TAF1B: variants seen among roughly 807,000 people sequenced by gnomAD.
TAF1B encodes the protein TATA-box binding protein associated factor, RNA polymerase I subunit B, also known as TATA box-binding protein-associated factor RNA polymerase I subunit B.
Under a neutral mutation model 83.9 loss-of-function variants are expected in TAF1B, and 61 were observed. That is an observed-to-expected ratio of 0.73 (90% CI 0.59 to 0.90). The LOEUF (loss-of-function observed/expected upper bound fraction) is 0.90. TAF1B is among the 40% of genes least tolerant of loss of function. The pLI is 0.00. For missense variants in TAF1B, 625 were observed against 677.0 expected, an observed-to-expected ratio of 0.92 and a Z score of 0.85; for synonymous variants, 221 against 224.6, an observed-to-expected ratio of 0.98 and a Z score of 0.14.
chr2:9,867,038 T>G (rs1399468213), intron 5 of TAF1B, among the ~76,000 whole-genome samples: 2 of 152,194 alleles, frequency 1.3e-5, no homozygotes, highest in Non-Finnish European at 2.9e-5. Flanking sequence ...TATACATATG[T>G]AAGAAACCTG....
At chr2:9,893,898 G>A (rs1664943306) in intron 8 of TAF1B, among the ~76,000 whole-genome samples, 1 of 152,074 alleles carries the variant, frequency 6.6e-6, no homozygotes, top group Non-Finnish European at 1.5e-5. Context: ...GTTGGGTAGT[G>A]GATTCATAGG....
chr2:9,893,969 T>C (rs1664945096), intron 8 of TAF1B, among the ~76,000 whole-genome samples: 1 of 152,200 alleles, frequency 6.6e-6, no homozygotes, highest in South Asian at 2.1e-4. Context: ...TTTGCATTTT[T>C]CAGAATTTTA....
chr2:9,908,752 T>C (rs1342438060), intron 9 of TAF1B, among the ~76,000 whole-genome samples: 1 of 152,238 alleles, frequency 6.6e-6, no homozygotes, highest in East Asian at 1.9e-4. Flanking sequence ...CCAAATTCTC[T>C]GCCTCACAAA....
chr2:9,905,000 C>T lies in TAF1B; in HGVS notation c.949C>T (p.Leu317Phe). ...TATGAAATACTTGATGGAAGTCAAC[C>T]TCCCTGGTAAGTGTGTGACATATAT... ...LCMKYLMEVN[L>F]PDEMHSLTCH... Residue 317 changes from leucine to phenylalanine, a missense_variant, in exon 9 of 15, where the codon CTC (leucine) becomes TTC (phenylalanine). By Grantham distance (22) the Leu-to-Phe change is conservative. Coordinates refer to ENST00000263663, the MANE Select transcript of TAF1B (RefSeq NM_005680.3). The T allele has an allele frequency of 6.2e-7, 1 of 1,611,840 alleles. No homozygotes were observed. Among genetic ancestry groups the T allele is most frequent in the East Asian group, 2.2e-5 (1 of 44,816 alleles).
chr2:9,921,749 A>G (rs765144459), intron 14 of TAF1B, among the ~76,000 whole-genome samples: 1 of 152,230 alleles, frequency 6.6e-6, no homozygotes, highest in Non-Finnish European at 1.5e-5. Flanking sequence ...ACTTTGCTGT[A>G]TGATTGAAAT....
intron 5 of TAF1B, among the ~76,000 whole-genome samples, chr2:9,855,872 AAAC>A (rs1161463886): frequency 6.6e-6 from 1 of 152,222 alleles, no homozygotes; most frequent in Non-Finnish European, 1.5e-5. Context: ...TGAAAGTAAA[AAAC>A]AGTATGGTTG....
chr2:9,901,785 A>G lies in TAF1B; in HGVS notation c.808-3074A>G, dbSNP rs7591024. ...TAAAAAGGAAGACACCTTCTTTTCA[A>G]AGTTCACTGAGAACTTATGTTTTTC... On this transcript the variant is annotated intron_variant, in intron 8 of 14. Transcript: ENST00000263663. 5.1e-3 allele frequency among the ~76,000 whole-genome samples: 780 copies of G among 152,266 alleles called. 7 individuals carry two copies. The highest frequency in any genetic ancestry group is 0.018 in the African/African-American group (753 of 41,556).
intron 7 of TAF1B, among the ~76,000 whole-genome samples, chr2:9,876,513 G>A (rs914937201): frequency 6.6e-6 from 1 of 152,144 alleles, no homozygotes; most frequent in African/African-American, 2.4e-5. Context: ...TATTTTTCAG[G>A]ATAATCTACA....
chr2:9,904,812 G>T (rs450192), intron 8 of TAF1B, 47 bp from the exon 9 acceptor site: 975,931 of 1,553,540 alleles, frequency 0.63, 316,746 homozygotes, highest in Non-Finnish European at 0.68. Flanking sequence ...TTAAAAATAA[G>T]TTTTGTTGCA....
intron 9 of TAF1B, among the ~76,000 whole-genome samples, chr2:9,910,326 C>G (rs971006190): frequency 2.0e-5 from 3 of 152,152 alleles, no homozygotes; most frequent in African/African-American, 7.2e-5. Flanking sequence ...TCTAGTTAAA[C>G]AGTTGTTGAG....
intron 2 of TAF1B, 147 bp downstream of exon 2, chr2:9,845,465 C>G (rs1663175946): frequency 3.3e-6 from 2 of 597,610 alleles, no homozygotes; most frequent in Non-Finnish European, 3.0e-6. Flanking sequence ...GTCTTAGGTA[C>G]TTACACATAG....
chr2:9,914,809 G>C lies in TAF1B; in HGVS notation c.1271+1560G>C, dbSNP rs1665634553. ...TGCTGAGGGCTGACACACACGTGCAGTGTGAGTCACTGCTGAGTAATATGC... is the reference window on the plus strand; with the variant it reads ...TGCTGAGGGCTGACACACACGTGCACTGTGAGTCACTGCTGAGTAATATGC... On this transcript the variant is annotated intron_variant, in intron 12 of 14. Coordinates refer to ENST00000263663, the MANE Select transcript of TAF1B (RefSeq NM_005680.3). The surrounding 1 kb of genome is among the most constrained non-coding windows in gnomAD (Gnocchi z 4.3). Among the ~76,000 whole-genome samples, 1 of 152,188 alleles carries C rather than the reference G, an allele frequency of 6.6e-6. No homozygotes were observed. The highest frequency in any genetic ancestry group is 2.4e-5 in the African/African-American group (1 of 41,438).
At position 9,925,474 on chromosome 2, in the gene TAF1B, T is replaced by C. The variant is rs74689062; in HGVS notation, c.1565+5654T>C. Among the ~76,000 whole-genome samples the C allele has an allele frequency of 3.1e-3, 473 of 152,260 alleles. 3 individuals are homozygous for C. The highest frequency in any genetic ancestry group is 0.011 in the African/African-American group (455 of 41,546). ...AAAAGTGTAAGTACTGTTATTTTTT[T>C]CCGTTTTACAGATGAGAGAACCAAG... On this transcript the variant is annotated intron_variant, in intron 14 of 14. Coordinates refer to ENST00000263663, the MANE Select transcript of TAF1B (RefSeq NM_005680.3).
chr2:9,895,517 G>A (rs965869524), intron 8 of TAF1B, among the ~76,000 whole-genome samples: 2 of 149,732 alleles, frequency 1.3e-5, no homozygotes, highest in South Asian at 2.1e-4. Flanking sequence ...AAAAAAAAAA[G>A]TATTTTTTCT....
intron 8 of TAF1B, among the ~76,000 whole-genome samples, chr2:9,887,987 G>A (rs768204413): frequency 5.3e-5 from 8 of 151,988 alleles, no homozygotes; most frequent in Non-Finnish European, 8.8e-5. Flanking sequence ...CTAGTAGCTA[G>A]GACTACAAGC....
At chr2:9,922,109 A>G (rs1305449032) in intron 14 of TAF1B, among the ~76,000 whole-genome samples, 1 of 152,226 alleles carries the variant, frequency 6.6e-6, no homozygotes, top group Non-Finnish European at 1.5e-5. Context: ...AGGACTTGCT[A>G]TAGAATCATA....
chr2:9,869,599 G>T (rs955694868), intron 6 of TAF1B, among the ~76,000 whole-genome samples: 3 of 151,812 alleles, frequency 2.0e-5, no homozygotes, highest in African/African-American at 7.3e-5. Flanking sequence ...TCAATGGCCG[G>T]GCGTAGTGGC....
chr2:9,863,968 A>G (rs1663872073), intron 5 of TAF1B, among the ~76,000 whole-genome samples: 1 of 152,230 alleles, frequency 6.6e-6, no homozygotes, highest in Non-Finnish European at 1.5e-5. Context: ...GGAAATTTAT[A>G]GCACTAAATG....
Position 9,843,552 on chromosome 2 carries a change from A to C in TAF1B, c.11A>C (p.Glu4Ala). The C allele has an allele frequency of 6.5e-7, 1 of 1,528,894 alleles. No individual in the cohort carries two copies. The highest frequency in any genetic ancestry group is 1.2e-5 in the South Asian group (1 of 82,512). 94.7% of individuals were successfully genotyped at this position (1,528,894 alleles called of 1,614,324 possible). A position where few individuals can be genotyped will look rare whatever the true frequency, so the allele number is the denominator to read the frequency against. ...TCCCGCGGCGCCGCGATGGACCTCG[A>C]GGAGGCGGTAAGGAGGCGGTGCACC... MDLEEAEEFKERCT... is the reference protein window; with the variant it reads MDLAEAEEFKERCT... Residue 4 changes from glutamate to alanine, a missense_variant, in exon 1 of 15, where the codon GAG (glutamate) becomes GCG (alanine). Coordinates refer to ENST00000263663, the MANE Select transcript of TAF1B (RefSeq NM_005680.3).
Sources: gnomAD v4.1 joint callset for allele counts (sites outside exome capture counted in the v4.1 genomes callset) on GRCh38, gnomAD v4.1.1 for gene constraint, Gnocchi (gnomAD v3.1) non-coding constraint, MANE v1.5 for transcripts, NCBI Gene and HGNC (gene_info 2026-07-23, HGNC 2026-07-21) for gene names.